CTSD: variants seen among roughly 807,000 people sequenced by gnomAD.
The protein encoded by CTSD is ceroid-lipofuscinosis, neuronal 10.
In CTSD, 28 loss-of-function variants were observed where a neutral mutation model predicts 43.6. The observed-to-expected ratio is 0.64, with a 90% CI of 0.48 to 0.88. The LOEUF (loss-of-function observed/expected upper bound fraction) is 0.88. Ranked by LOEUF, CTSD falls within the 40% of genes least tolerant of loss-of-function variation. The probability of loss-of-function intolerance (pLI) is 0.00; values close to 1 mark genes in which losing one functional copy is unlikely to be tolerated. For missense variants in CTSD, 485 were observed against 555.2 expected (o/e 0.87, Z 1.27); for synonymous variants, 270 against 249.8 (o/e 1.08, Z -0.76).
At chr11:1,754,771 A>C (rs1845789078) in intron 6 of CTSD, 135 bp downstream of exon 6, 2 of 1,136,050 alleles carry the variant, frequency 1.8e-6, no homozygotes, top group Non-Finnish European at 2.5e-6. Flanking sequence ...GGCTGGTCTG[A>C]CCCCATCTCT....
At chr11:1,756,636 T>C (rs55923455) in intron 5 of CTSD, among the ~76,000 whole-genome samples, 55,126 of 150,350 alleles carry the variant, frequency 0.37, 11,298 homozygotes, top group African/African-American at 0.55. Flanking sequence ...ACCCCTCTTA[T>C]GTGGAACCCT....
In CTSD at chr11:1,754,860, C is replaced by T. The variant is rs376512622; in HGVS notation, c.827+46G>A. On this transcript the variant is annotated intron_variant, in intron 6 of 8. Transcript: ENST00000236671. Reference sequence around the variant, plus strand: ...GGTCCTCCAGGGTCTCCGCACACCGCCCCCGCCCACAGAACCCAGGGGAGC... The same window carrying T: ...GGTCCTCCAGGGTCTCCGCACACCGTCCCCGCCCACAGAACCCAGGGGAGC... The T allele has an allele frequency of 1.1e-5, 17 of 1,612,122 alleles. No individual in the cohort carries two copies. The East Asian group carries it at 2.7e-4, about 25-fold the overall frequency.
chr11:1,761,197 G>A (rs1285389263), intron 2 of CTSD, 112 bp downstream of exon 2: 1 of 1,226,308 alleles, frequency 8.2e-7, no homozygotes, highest in Non-Finnish European at 1.2e-6. Flanking sequence ...GTGGCCAGGT[G>A]AGCCACTCAA....
At chr11:1,763,755 C>T in intron 1 of CTSD, 37 bp downstream of exon 1, 1 of 1,512,726 alleles carries the variant, frequency 6.6e-7, no homozygotes, top group Non-Finnish European at 8.8e-7. Context: ...CGCCGCGACC[C>T]CTGCCCGTCC....
rs1554962286 is a variant in CTSD at position 1,754,042 on chromosome 11, C to T, written c.924G>A (p.Val308=). The change falls in exon 7 of 9, where the codon GTG becomes GTA. Residue 308 remains valine (V), a synonymous_variant. Transcript: ENST00000236671. ...TSLMVGPVDE[V]RELQKAIGAV... is the part of the protein sequence containing the mutation. The stretch of plus-strand genomic sequence containing the variant: ...CCCCGATGGCCTTCTGCAGCTCGCG[C>T]ACCTCATCCACCGGGCCCACCATGA... The T allele has an allele frequency of 1.9e-6, 3 of 1,610,800 alleles. No individual in the cohort carries two copies. The highest frequency in any genetic ancestry group is 2.5e-6 in the Non-Finnish European group (3 of 1,179,342).
intron 2 of CTSD, 106 bp downstream of exon 2, chr11:1,761,203 C>T (rs906703070): frequency 9.5e-6 from 13 of 1,367,034 alleles, no homozygotes; most frequent in South Asian, 2.4e-5. Context: ...AGGTGAGCCA[C>T]TCAAACTGCG....
chr11:1,757,502 T>C lies in CTSD; in HGVS notation c.526A>G (p.Arg176Gly). 1 of 1,613,856 alleles carries C rather than the reference T, an allele frequency of 6.2e-7. No homozygotes were observed. Among genetic ancestry groups the C allele is most frequent in the Non-Finnish European group, 8.5e-7 (1 of 1,179,990 alleles). The change falls in exon 5 of 9, where the codon AGG becomes GGG. Residue 176 changes from arginine (R) to glycine (G), a missense_variant. Coordinates refer to ENST00000236671, the MANE Select transcript of CTSD (RefSeq NM_001909.5). ...ASALGGVKVE[R>G]QVFGEATKQP... ...TTGGTGGCCTCCCCAAAGACCTGCC[T>C]CTCCACTTTGACACCGCCCAGGGCA...
intron 6 of CTSD, 80 bp downstream of exon 6, chr11:1,754,826 C>T: frequency 6.3e-7 from 1 of 1,592,762 alleles, no homozygotes. Flanking sequence ...CCCCCACCTG[C>T]AGAACCGGGG....
At chr11:1,756,488 G>A (rs879397284) in intron 5 of CTSD, among the ~76,000 whole-genome samples, 1 of 152,212 alleles carries the variant, frequency 6.6e-6, no homozygotes, top group Admixed American at 6.5e-5. Context: ...GACTCCAAGT[G>A]CCAAGTGAGC....
Position 1,753,188 on chromosome 11 carries a change from G to A in CTSD, c.*315C>T. 2.3e-6 allele frequency: 1 copy of A among 428,892 alleles called. No individual in the cohort carries two copies. Among genetic ancestry groups the A allele is most frequent in the Non-Finnish European group, 4.4e-6 (1 of 228,618 alleles). 26.6% of individuals were successfully genotyped at this position (428,892 alleles called of 1,614,324 possible). On this transcript the variant is annotated 3_prime_UTR_variant, in exon 9 of 9. Coordinates refer to ENST00000236671, the MANE Select transcript of CTSD (RefSeq NM_001909.5). ...GGAGGGGACTCCCTGGAGATGAAGG[G>A]AGCCCCAGGATACACGAGCTCGGCT...
intron 1 of CTSD, chr11:1,761,931 A>C: frequency 4.5e-6 from 1 of 221,076 alleles, no homozygotes; most frequent in Non-Finnish European, 9.4e-6. Context: ...CCCCCATCAC[A>C]CCTGCTCTCC....
At position 1,761,387 on chromosome 11, in the gene CTSD, G is replaced by C; in HGVS notation, c.150C>G (p.Gly50=). The C allele has an allele frequency of 6.2e-7, 1 of 1,613,794 alleles. No homozygotes were observed. Among genetic ancestry groups the C allele is most frequent in the Non-Finnish European group, 8.5e-7 (1 of 1,179,994 alleles). Residue 50 remains glycine (G), a synonymous_variant, in exon 2 of 9, where the codon GGC becomes GGG. Coordinates refer to ENST00000236671, the MANE Select transcript of CTSD (RefSeq NM_001909.5). Reference sequence around the variant, plus strand: ...CCGCCTGGGAGTACTTTGAGACGGGGCCTTTGGCAATCAGGTCCTCCACAG... The same window carrying C: ...CCGCCTGGGAGTACTTTGAGACGGGCCCTTTGGCAATCAGGTCCTCCACAG... ...GGSVEDLIAK[G]PVSKYSQAVP...
intron 2 of CTSD, among the ~76,000 whole-genome samples, 193 bp from the exon 3 acceptor site, chr11:1,759,832 G>T (rs536138100): frequency 2.6e-5 from 4 of 152,216 alleles, no homozygotes; most frequent in Non-Finnish European, 5.9e-5. Context: ...CCCAGCCCTC[G>T]GTCCTAATGC....
chr11:1,756,033 GCACT>G (rs773236891), intron 5 of CTSD, among the ~76,000 whole-genome samples: 3 of 152,002 alleles, frequency 2.0e-5, no homozygotes, highest in Non-Finnish European at 2.9e-5. Context: ...CCCCACCTGG[GCACT>G]CACTCTGTGT....
Position 1,753,852 on chromosome 11 carries a change from T to C in CTSD, c.1022A>G (p.Lys341Arg). ...CAGCTTGTAGCCTTTGCCTCCCAGC[T>C]TCAGTGTGATCGCGGGCAGGGTGGA... ...KVSTLPAITL[K>R]LGGKGYKLSP... is the part of the protein sequence containing the mutation. The change falls in exon 8 of 9, where the codon AAG becomes AGG. Residue 341 changes from lysine to arginine, a missense_variant. By Grantham distance (26) the Lys-to-Arg change is conservative (BLOSUM62 2). Coordinates refer to ENST00000236671, the MANE Select transcript of CTSD (RefSeq NM_001909.5). 6.2e-7 allele frequency: 1 copy of C among 1,613,662 alleles called. No individual in the cohort carries two copies. Among genetic ancestry groups the C allele is most frequent in the East Asian group, 2.2e-5 (1 of 44,852 alleles).
At chr11:1,756,904 G>A (rs1415595552) in intron 5 of CTSD, among the ~76,000 whole-genome samples, 3 of 152,156 alleles carry the variant, frequency 2.0e-5, no homozygotes, top group Non-Finnish European at 4.4e-5. Flanking sequence ...GGGGATCCCC[G>A]GTCCCCTGGG....
Position 1,753,280 on chromosome 11 carries a change from C to G in CTSD, c.*223G>C. On this transcript the variant is annotated 3_prime_UTR_variant, in exon 9 of 9. Coordinates refer to ENST00000236671, the MANE Select transcript of CTSD (RefSeq NM_001909.5). ...GTGCTCTGGATCAGCTCTACCCCCA[C>G]CAAACAGATGGAGAGACAGACAGGC... 1 of 621,898 alleles carries G rather than the reference C, an allele frequency of 1.6e-6. No homozygotes were observed. The highest frequency in any genetic ancestry group is 2.9e-6 in the Non-Finnish European group (1 of 346,642). 38.5% of individuals were successfully genotyped at this position (621,898 alleles called of 1,614,324 possible).
At chr11:1,760,182 G>A (rs1168669387) in intron 2 of CTSD, among the ~76,000 whole-genome samples, 1 of 152,232 alleles carries the variant, frequency 6.6e-6, no homozygotes, top group Admixed American at 6.5e-5. Context: ...TGGTCAAGGG[G>A]AGAAGGTAAG....
chr11:1,760,436 C>T (rs1042338167), intron 2 of CTSD: 3 of 152,370 alleles, frequency 2.0e-5, no homozygotes, highest in Non-Finnish European at 2.9e-5. Context: ...CACCAGATTC[C>T]TGGCACCAGC....
Sources: gnomAD v4.1 joint callset for allele counts (sites outside exome capture counted in the v4.1 genomes callset) on GRCh38, gnomAD v4.1.1 for gene constraint, MANE v1.5 for transcripts, NCBI Gene and HGNC (gene_info 2026-07-23, HGNC 2026-07-21) for gene names.